Variants in CRPPA observed in about 807,000 individuals in gnomAD.
The protein encoded by CRPPA is D-ribitol-5-phosphate cytidylyltransferase.
Under a neutral mutation model 52.0 loss-of-function variants are expected in CRPPA, and 43 were observed. That is an observed-to-expected ratio of 0.83 (90% CI 0.65 to 1.07). The LOEUF (loss-of-function observed/expected upper bound fraction) is 1.07, where lower values mean the gene tolerates loss of function less well. Ranked by LOEUF, CRPPA falls within the 50% of genes least tolerant of loss-of-function variation. The probability of loss-of-function intolerance (pLI) is 0.00; values close to 1 mark genes in which losing one functional copy is unlikely to be tolerated. For synonymous variants in CRPPA, 250 were observed against 203.5 expected (o/e 1.23, Z -1.94); for missense variants, 629 against 551.7 (o/e 1.14, Z -1.40).
At chr7:16,371,865 A>T (rs911512073) in intron 3 of CRPPA, among the ~76,000 whole-genome samples, 1 of 152,186 alleles carries the variant, frequency 6.6e-6, no homozygotes, top group Non-Finnish European at 1.5e-5. Flanking sequence ...CATAATGAAA[A>T]AACAATCAGA....
At chr7:16,244,258 C>G (rs1182767128) in intron 8 of CRPPA, among the ~76,000 whole-genome samples, 1 of 152,098 alleles carries the variant, frequency 6.6e-6, no homozygotes, top group East Asian at 1.9e-4. Flanking sequence ...TAAATAATCT[C>G]TAGCCCATTT....
At chr7:16,304,703 A>C (rs1422495082) in intron 4 of CRPPA, among the ~76,000 whole-genome samples, 1 of 152,184 alleles carries the variant, frequency 6.6e-6, no homozygotes, top group African/African-American at 2.4e-5. Context: ...TTCTGGTGGC[A>C]ACTGAAATTC....
intron 4 of CRPPA, among the ~76,000 whole-genome samples, chr7:16,307,051 C>T (rs771838424): frequency 2.6e-5 from 4 of 152,088 alleles, no homozygotes; most frequent in Non-Finnish European, 5.9e-5. Flanking sequence ...AATAACTGAT[C>T]AACTTACAGG....
At chr7:16,391,573 A>G (rs999250788) in intron 2 of CRPPA, among the ~76,000 whole-genome samples, 1 of 152,210 alleles carries the variant, frequency 6.6e-6, no homozygotes, top group African/African-American at 2.4e-5. Flanking sequence ...AGTTCCTTCC[A>G]TTTAATTCAA....
chr7:16,232,829 A>C (rs900122910), intron 8 of CRPPA, among the ~76,000 whole-genome samples: 4 of 152,162 alleles, frequency 2.6e-5, no homozygotes, highest in African/African-American at 9.6e-5. Context: ...CTTAAATACC[A>C]AACCTTTTAA....
At chr7:16,266,236 C>G (rs1783949745) in intron 6 of CRPPA, 1 of 152,128 alleles carries the variant, frequency 6.6e-6, no homozygotes, top group African/African-American at 2.4e-5. Context: ...GATTTGATAT[C>G]AAAGTAATGT....
intron 2 of CRPPA, among the ~76,000 whole-genome samples, chr7:16,379,627 G>T (rs1787017989): frequency 6.6e-6 from 1 of 152,168 alleles, no homozygotes; most frequent in Admixed American, 6.5e-5. Flanking sequence ...CATGAGCATG[G>T]AATGTTCTTC....
chr7:16,187,998 A>G (rs1472455308), intron 9 of CRPPA, among the ~76,000 whole-genome samples: 1 of 151,676 alleles, frequency 6.6e-6, no homozygotes, highest in African/African-American at 2.4e-5. Context: ...TACATAAATG[A>G]GGACCTGAAC....
At chr7:16,125,204 G>A (rs1205963115) in intron 9 of CRPPA, among the ~76,000 whole-genome samples, 1 of 140,446 alleles carries the variant, frequency 7.1e-6, no homozygotes, top group Non-Finnish European at 1.5e-5. Flanking sequence ...AGGCTGCAGT[G>A]AGCCGAGATC....
intron 3 of CRPPA, among the ~76,000 whole-genome samples, chr7:16,341,846 C>A (rs1417177859): frequency 6.6e-6 from 1 of 152,154 alleles, no homozygotes; most frequent in Non-Finnish European, 1.5e-5. Flanking sequence ...GAAAAATTAG[C>A]TTTTCCACTA....
intron 9 of CRPPA, among the ~76,000 whole-genome samples, chr7:16,205,924 T>TA (rs1781963777): frequency 6.6e-6 from 1 of 152,256 alleles, no homozygotes; most frequent in African/African-American, 2.4e-5. Flanking sequence ...CAATTAAATG[T>TA]AAATCTTAGT....
At chr7:16,185,487 C>T (rs1315127340) in intron 9 of CRPPA, among the ~76,000 whole-genome samples, 2 of 152,108 alleles carry the variant, frequency 1.3e-5, no homozygotes, top group African/African-American at 4.8e-5. Flanking sequence ...GTTATTATAA[C>T]AAGGCATAAC....
Position 16,285,751 on chromosome 7 carries a change from G to A in CRPPA, c.836-7525C>T, listed in dbSNP as rs552634127. ...AGTTAAAATTATGTTGGCCAGGCGC[G>A]GTAGCTCACGACTGTAATCCCAGCA... On this transcript the variant is annotated intron_variant, in intron 5 of 9. Coordinates refer to ENST00000407010, the MANE Select transcript of CRPPA (RefSeq NM_001101426.4). Among the ~76,000 whole-genome samples, 77 of 151,560 alleles carry A rather than the reference G, an allele frequency of 5.1e-4. No individual in the cohort carries two copies. In the South Asian group the frequency reaches 0.015, roughly 30 times the overall value.
intron 9 of CRPPA, among the ~76,000 whole-genome samples, chr7:16,127,603 G>T (rs1353642829): frequency 6.6e-6 from 1 of 151,642 alleles, no homozygotes; most frequent in African/African-American, 2.4e-5. Context: ...CAAATAACTA[G>T]TTATAAAATA....
chr7:16,211,525 T>C (rs1359470684), intron 9 of CRPPA, among the ~76,000 whole-genome samples: 2 of 152,174 alleles, frequency 1.3e-5, no homozygotes, highest in East Asian at 1.9e-4. Context: ...TTCCAAGTAA[T>C]TGTTCATTGC....
At chr7:16,176,876 T>C (rs1781310354) in intron 9 of CRPPA, among the ~76,000 whole-genome samples, 1 of 152,148 alleles carries the variant, frequency 6.6e-6, no homozygotes, top group African/African-American at 2.4e-5. Context: ...CTGCTACAAG[T>C]ATTATTTATA....
intron 3 of CRPPA, among the ~76,000 whole-genome samples, chr7:16,351,633 G>A (rs902899114): frequency 2.0e-5 from 3 of 151,610 alleles, no homozygotes; most frequent in Non-Finnish European, 2.9e-5. Flanking sequence ...CTCAAAAGAC[G>A]ACATTTATGC....
At chr7:16,263,758 A>AG (rs1012741959) in intron 6 of CRPPA, among the ~76,000 whole-genome samples, 1 of 149,042 alleles carries the variant, frequency 6.7e-6, no homozygotes, top group African/African-American at 2.5e-5. Context: ...TTTCAAAATA[A>AG]AAAAAAAAAA....
At chr7:16,214,554 G>A (rs1368244436) in intron 9 of CRPPA, among the ~76,000 whole-genome samples, 1 of 151,966 alleles carries the variant, frequency 6.6e-6, no homozygotes, top group Non-Finnish European at 1.5e-5. Flanking sequence ...CTGGTGTGCA[G>A]GGGCGGCAAC....
Sources: allele counts gnomAD v4.1 joint callset (sites outside exome capture counted in the v4.1 genomes callset), GRCh38; gene constraint gnomAD v4.1.1; transcripts MANE v1.5; gene names NCBI Gene and HGNC (gene_info 2026-07-23, HGNC 2026-07-21).